Variants in UBE2D2 observed in about 807,000 individuals in gnomAD.
UBE2D2 encodes the protein ubiquitin-conjugating enzyme E2 D2.
A neutral mutation model predicts 24.2 loss-of-function variants in UBE2D2; 2 were observed. The observed-to-expected ratio is 0.08, with a 90% CI of 0.03 to 0.26. The LOEUF (loss-of-function observed/expected upper bound fraction) is 0.26, where lower values mean the gene tolerates loss of function less well. Among genes scored for constraint, UBE2D2 ranks in the 10% least tolerant of loss-of-function variants. The probability of loss-of-function intolerance (pLI) is 1.00; values close to 1 mark genes in which losing one functional copy is unlikely to be tolerated. For synonymous variants in UBE2D2, 58 were observed against 56.5 expected, an observed-to-expected ratio of 1.03 and a Z score of -0.12; for missense variants, 44 against 177.6, an observed-to-expected ratio of 0.25 and a Z score of 4.28.
At chr5:139,566,206 A>G (rs1753212502) in intron 1 of UBE2D2, among the ~76,000 whole-genome samples, 1 of 151,912 alleles carries the variant, frequency 6.6e-6, no homozygotes, top group Admixed American at 6.6e-5. Flanking sequence ...TTTAATAGAG[A>G]CAGGGTTTCT....
chr5:139,569,499 A>T (rs961946240), intron 1 of UBE2D2, among the ~76,000 whole-genome samples: 2 of 152,166 alleles, frequency 1.3e-5, no homozygotes, highest in Non-Finnish European at 2.9e-5. Context: ...GCTACCAGGA[A>T]CCTTTGCAGC....
At chr5:139,588,774 C>G (rs1181199664) in intron 1 of UBE2D2, among the ~76,000 whole-genome samples, 2 of 151,970 alleles carry the variant, frequency 1.3e-5, no homozygotes, top group African/African-American at 4.8e-5. Context: ...CCTGATGTAA[C>G]TTCTTTTGTT....
rs1438505472 is a variant in UBE2D2, at chr5:139,627,843, G to A, written c.*1042G>A. 2 of 152,608 alleles carry A rather than the reference G, an allele frequency of 1.3e-5. No homozygotes were observed. The highest frequency in any genetic ancestry group is 2.9e-5 in the Non-Finnish European group (2 of 68,040). 9.5% of individuals were successfully genotyped at this position (152,608 alleles called of 1,614,324 possible). ...TTACATTGTAAAAAGGATATCTTAC[G>A]AGTAATTTTATTGAACAAGTTAGAG... On this transcript the variant is annotated 3_prime_UTR_variant, in exon 7 of 7. Transcript: ENST00000398733.
At chr5:139,532,095 T>C (rs1752604265) in intron 1 of UBE2D2, among the ~76,000 whole-genome samples, 1 of 151,860 alleles carries the variant, frequency 6.6e-6, no homozygotes, top group Non-Finnish European at 1.5e-5. Context: ...CCTTAGCAAA[T>C]AATCTGTTAA....
intron 1 of UBE2D2, among the ~76,000 whole-genome samples, chr5:139,529,850 T>C (rs1292357362): frequency 6.6e-6 from 1 of 152,216 alleles, no homozygotes; most frequent in Non-Finnish European, 1.5e-5. Flanking sequence ...GTTTTTTCCA[T>C]TAGCCGAACA....
intron 1 of UBE2D2, among the ~76,000 whole-genome samples, chr5:139,555,233 G>T (rs569331680): frequency 7.8e-4 from 118 of 151,896 alleles, no homozygotes; most frequent in African/African-American, 2.7e-3. Context: ...TTTTGTAGAG[G>T]CTGGGTTTCA....
intron 2 of UBE2D2, among the ~76,000 whole-genome samples, chr5:139,604,102 T>TCTCATAATTGTTGC: frequency 6.6e-6 from 1 of 152,092 alleles, no homozygotes. Context: ...GCAAGTCATA[T>TCTCATAATTGTTGC]ATCTCATAAG....
intron 1 of UBE2D2, among the ~76,000 whole-genome samples, chr5:139,597,614 A>G (rs1753986764): frequency 6.6e-6 from 1 of 152,252 alleles, no homozygotes; most frequent in South Asian, 2.1e-4. Context: ...ATTCCACTTA[A>G]TGAACATGGC....
At chr5:139,530,745 A>T (rs1752588861) in intron 1 of UBE2D2, among the ~76,000 whole-genome samples, 1 of 152,212 alleles carries the variant, frequency 6.6e-6, no homozygotes, top group Non-Finnish European at 1.5e-5. Flanking sequence ...AGTTGAGAAT[A>T]TAGTTAAAGA....
At chr5:139,579,012 G>A (rs1258585859) in intron 1 of UBE2D2, among the ~76,000 whole-genome samples, 2 of 152,156 alleles carry the variant, frequency 1.3e-5, no homozygotes, top group Non-Finnish European at 2.9e-5. Flanking sequence ...CTGTTGCCCA[G>A]GCTGGAGTGT....
intron 1 of UBE2D2, among the ~76,000 whole-genome samples, chr5:139,599,166 G>A (rs570647404): frequency 4.0e-5 from 6 of 151,470 alleles, no homozygotes; most frequent in South Asian, 4.2e-4. Context: ...AACTCCTGAC[G>A]TCAGGTGATC....
In UBE2D2 at chr5:139,618,231, C is replaced by T. The variant is rs184025910; in HGVS notation, c.304+3265C>T. ...TCAGGTGATCCGCCCGCCTCAGCCT[C>T]CCAAAGTGCTGGGATTACAGGTGTG... On this transcript the variant is annotated intron_variant, in intron 5 of 6. Coordinates refer to ENST00000398733, the MANE Select transcript of UBE2D2 (RefSeq NM_003339.3). 3.3e-5 allele frequency among the ~76,000 whole-genome samples: 5 copies of T among 152,270 alleles called. No individual in the cohort carries two copies. In the East Asian group the frequency reaches 9.6e-4, roughly 29 times the overall value.
chr5:139,579,390 A>G (rs535312709), intron 1 of UBE2D2, among the ~76,000 whole-genome samples: 1 of 152,166 alleles, frequency 6.6e-6, no homozygotes, highest in East Asian at 1.9e-4. Flanking sequence ...CAGGTGATCC[A>G]CCTGCCTTGG....
intron 1 of UBE2D2, among the ~76,000 whole-genome samples, chr5:139,531,672 T>G (rs75575958): frequency 0.061 from 8,746 of 144,520 alleles, 295 homozygotes; most frequent in South Asian, 0.11. Context: ...GAAAAGAAAA[T>G]AATGCCTGGC....
At chr5:139,549,997 C>T (rs1752887310) in intron 1 of UBE2D2, among the ~76,000 whole-genome samples, 1 of 152,194 alleles carries the variant, frequency 6.6e-6, no homozygotes. Flanking sequence ...CACTCTGTGT[C>T]TAGCTCAAGG....
intron 5 of UBE2D2, among the ~76,000 whole-genome samples, chr5:139,616,763 A>G (rs185271951): frequency 6.6e-6 from 1 of 152,350 alleles, no homozygotes; most frequent in East Asian, 1.9e-4. Flanking sequence ...CTAAGAAAAC[A>G]ATCCCAAATG....
At chr5:139,544,817 G>A (rs531790870) in intron 1 of UBE2D2, among the ~76,000 whole-genome samples, 67 of 146,864 alleles carry the variant, frequency 4.6e-4, no homozygotes, top group Non-Finnish European at 8.1e-4. Flanking sequence ...TTGCTCTTTT[G>A]CCAGGCTGGA....
chr5:139,548,300 G>C (rs1374659811), intron 1 of UBE2D2, among the ~76,000 whole-genome samples: 1 of 150,722 alleles, frequency 6.6e-6, no homozygotes, highest in Non-Finnish European at 1.5e-5. Flanking sequence ...AGTGTTCCTC[G>C]TTTTCCCACC....
Position 139,561,766 on chromosome 5 carries a change from G to A in UBE2D2, c.-26G>A, listed in dbSNP as rs762682460. The A allele has an allele frequency of 1.1e-4, 169 of 1,489,004 alleles. No homozygotes were observed. The highest frequency in any genetic ancestry group is 1.4e-4 in the Non-Finnish European group (160 of 1,127,276). 92.2% of individuals were successfully genotyped at this position (1,489,004 alleles called of 1,614,324 possible). A position where few individuals can be genotyped will look rare whatever the true frequency, so the allele number is the denominator to read the frequency against. ...CTTCCCCGCCCCCGTCCCCGCCCCG[G>A]GGGCCGCCGCCACCCGCCTCCCACC... is the stretch of plus-strand genomic sequence containing the variant. On this transcript the variant is annotated 5_prime_UTR_variant, in exon 1 of 7. Transcript: ENST00000398733.
Sources: allele counts gnomAD v4.1 joint callset (sites outside exome capture counted in the v4.1 genomes callset), GRCh38; gene constraint gnomAD v4.1.1; transcripts MANE v1.5; gene names NCBI Gene and HGNC (gene_info 2026-07-23, HGNC 2026-07-21).